OTOGL: variants seen among roughly 807,000 people sequenced by gnomAD.
OTOGL encodes otogelin-like protein.
In OTOGL, 285 loss-of-function variants were observed where a neutral mutation model predicts 318.5. The observed-to-expected ratio is 0.89, with a 90% CI of 0.81 to 0.99. OTOGL has a LOEUF of 0.99. Ranked by LOEUF, OTOGL falls within the 50% of genes least tolerant of loss-of-function variation. The probability of loss-of-function intolerance (pLI) is 0.00; values close to 1 mark genes in which losing one functional copy is unlikely to be tolerated. For synonymous variants in OTOGL, 987 were observed against 936.5 expected (o/e 1.05, Z -0.99); for missense variants, 2,899 against 2,845.6 (o/e 1.02, Z -0.43).
chr12:80,253,141 C>T (rs901315037), intron 13 of OTOGL, among the ~76,000 whole-genome samples: 2 of 152,118 alleles, frequency 1.3e-5, no homozygotes, highest in African/African-American at 4.8e-5. Flanking sequence ...AGAAACTAAA[C>T]TAAAAATGTA....
intron 21 of OTOGL, 123 bp from the exon 22 acceptor site, chr12:80,267,130 G>A (rs1883039395): frequency 4.7e-6 from 2 of 428,500 alleles, no homozygotes; most frequent in Non-Finnish European, 7.9e-6. Context: ...ATGCAGTCTT[G>A]TAGAATAATG....
intron 1 of OTOGL, among the ~76,000 whole-genome samples, chr12:80,123,772 A>G (rs1352817100): frequency 2.1e-4 from 32 of 152,026 alleles, no homozygotes; most frequent in Admixed American, 2.1e-3. Flanking sequence ...TTTGATTTGC[A>G]TTTCTCTGAT....
chr12:80,358,667 T>G lies in OTOGL; in HGVS notation c.6122-4T>G. ...ATCTTTACCCATGTAATTTTTCTTT[T>G]TAGTATGTGAACCAAACCTTTGTCC... On this transcript the variant is annotated splice_region_variant and splice_polypyrimidine_tract_variant and intron_variant, in intron 50 of 58. Coordinates refer to ENST00000547103, the MANE Select transcript of OTOGL (RefSeq NM_001378609.3). 3 of 1,599,940 alleles carry G rather than the reference T, an allele frequency of 1.9e-6. No homozygotes were observed. Among genetic ancestry groups the G allele is most frequent in the Non-Finnish European group, 1.7e-6 (2 of 1,170,868 alleles).
chr12:80,249,985 C>A (rs1042230587), intron 11 of OTOGL, among the ~76,000 whole-genome samples: 2 of 152,198 alleles, frequency 1.3e-5, no homozygotes, highest in East Asian at 1.9e-4. Context: ...TGACCCCTTG[C>A]GCTTCCCAGG....
chr12:80,108,834 T>TATGTGTATATA (rs1491573282), intron 1 of OTOGL, among the ~76,000 whole-genome samples: 2 of 105,770 alleles, frequency 1.9e-5, no homozygotes, highest in African/African-American at 8.1e-5. Flanking sequence ...TGTATATATA[T>TATGTGTATATA]TGTATATATA....
intron 30 of OTOGL, 48 bp downstream of exon 30, chr12:80,310,775 T>G: frequency 7.0e-7 from 1 of 1,429,930 alleles, no homozygotes; most frequent in South Asian, 1.2e-5. Context: ...TGTTCTACTG[T>G]GTCTATAATA....
intron 32 of OTOGL, 27 bp from the exon 33 acceptor site, chr12:80,318,519 A>G: frequency 4.1e-6 from 5 of 1,211,448 alleles, no homozygotes; most frequent in Non-Finnish European, 5.3e-6. Context: ...ATGCCAATTT[A>G]TAATTCTAAT....
At chr12:80,224,400 G>A (rs1878634848) in intron 7 of OTOGL, among the ~76,000 whole-genome samples, 2 of 151,808 alleles carry the variant, frequency 1.3e-5, no homozygotes, top group Admixed American at 1.3e-4. Flanking sequence ...TGGCTATGTG[G>A]CTTTTTTGGT....
intron 52 of OTOGL, among the ~76,000 whole-genome samples, chr12:80,362,509 C>G (rs1370037236): frequency 6.6e-6 from 1 of 152,082 alleles, no homozygotes; most frequent in East Asian, 1.9e-4. Context: ...TTATCTATCT[C>G]TGTAAAAAAT....
chr12:80,153,306 G>C (rs2137174187), intron 1 of OTOGL, among the ~76,000 whole-genome samples: 1 of 152,154 alleles, frequency 6.6e-6, no homozygotes, highest in African/African-American at 2.4e-5. Flanking sequence ...GAGTTCTTTG[G>C]AGTCTCTTTT....
At chr12:80,312,256 A>G (rs1244791621) in intron 30 of OTOGL, among the ~76,000 whole-genome samples, 1 of 152,202 alleles carries the variant, frequency 6.6e-6, no homozygotes, top group Non-Finnish European at 1.5e-5. Flanking sequence ...CCCAAACAAG[A>G]CAAAAACATT....
At chr12:80,352,523 T>C (rs1889617219) in intron 45 of OTOGL, 87 bp downstream of exon 45, 2 of 1,135,282 alleles carry the variant, frequency 1.8e-6, no homozygotes, top group Non-Finnish European at 2.4e-6. Flanking sequence ...TTTTTTATCA[T>C]GAACTAATTT....
At chr12:80,116,534 G>A (rs1174722818) in intron 1 of OTOGL, among the ~76,000 whole-genome samples, 1 of 152,114 alleles carries the variant, frequency 6.6e-6, no homozygotes, top group South Asian at 2.1e-4. Context: ...TAATCTTAAT[G>A]ACCAATGATG....
chr12:80,327,762 A>G (rs1887776885), intron 35 of OTOGL, among the ~76,000 whole-genome samples: 1 of 151,448 alleles, frequency 6.6e-6, no homozygotes, highest in Non-Finnish European at 1.5e-5. Context: ...GATCGAGACC[A>G]TCCTGGCTAA....
intron 52 of OTOGL, among the ~76,000 whole-genome samples, chr12:80,364,680 G>T (rs780523497): frequency 6.6e-5 from 10 of 152,022 alleles, no homozygotes; most frequent in Non-Finnish European, 1.3e-4. Flanking sequence ...TGTGGTCTTT[G>T]TGTCTGGCTC....
At chr12:80,369,166 ATAAT>A (rs1286512581) in intron 55 of OTOGL, among the ~76,000 whole-genome samples, 3 of 152,054 alleles carry the variant, frequency 2.0e-5, no homozygotes, top group Non-Finnish European at 4.4e-5. Flanking sequence ...CAGCTTTGAC[ATAAT>A]TAAATATGCA....
At chr12:80,346,371 A>G (rs969722445) in intron 44 of OTOGL, among the ~76,000 whole-genome samples, 1 of 151,886 alleles carries the variant, frequency 6.6e-6, no homozygotes. Context: ...CTGTTGCAAG[A>G]AAAAAAAGAA....
intron 57 of OTOGL, among the ~76,000 whole-genome samples, chr12:80,374,775 A>C (rs10778736): frequency 6.6e-6 from 1 of 151,708 alleles, no homozygotes; most frequent in Non-Finnish European, 1.5e-5. Context: ...AAGTGAGTAC[A>C]ATTATGTTAT....
intron 44 of OTOGL, among the ~76,000 whole-genome samples, chr12:80,348,816 A>C (rs1348258502): frequency 6.6e-6 from 1 of 152,084 alleles, no homozygotes; most frequent in Non-Finnish European, 1.5e-5. Flanking sequence ...TTTCTGCCAA[A>C]ATGCTCTTCT....
Sources: gnomAD v4.1 joint callset for allele counts (sites outside exome capture counted in the v4.1 genomes callset) on GRCh38, gnomAD v4.1.1 for gene constraint, MANE v1.5 for transcripts, NCBI Gene and HGNC (gene_info 2026-07-23, HGNC 2026-07-21) for gene names.